Variants in KCNH1 observed in about 807,000 individuals in gnomAD.
KCNH1 encodes potassium voltage-gated channel subfamily H member 1.
A neutral mutation model predicts 69.2 loss-of-function variants in KCNH1; 27 were observed. The ratio of observed to expected loss-of-function variants is 0.39; its 90% CI spans 0.29 to 0.54. The LOEUF is 0.54. Ranked by LOEUF, KCNH1 falls within the 20% of genes least tolerant of loss-of-function variation. The pLI, the probability that KCNH1 is intolerant of heterozygous loss-of-function variation, is 0.68. For synonymous variants in KCNH1, 456 were observed against 487.7 expected, an observed-to-expected ratio of 0.93 and a Z score of 0.86; for missense variants, 798 against 1,261.6, an observed-to-expected ratio of 0.63 and a Z score of 5.57.
At chr1:211,126,795 C>T (rs1340901852) in intron 1 of KCNH1, among the ~76,000 whole-genome samples, 1 of 151,678 alleles carries the variant, frequency 6.6e-6, no homozygotes, top group Non-Finnish European at 1.5e-5. Flanking sequence ...GATGAGCAAC[C>T]CAAGACAGCA....
At chr1:211,113,695 T>G (rs1340223514) in intron 1 of KCNH1, among the ~76,000 whole-genome samples, 1 of 152,102 alleles carries the variant, frequency 6.6e-6, no homozygotes, top group African/African-American at 2.4e-5. Context: ...CTCCTGAGCC[T>G]CCCTCAGTTC....
chr1:210,705,509 G>T (rs1009408246), intron 10 of KCNH1, among the ~76,000 whole-genome samples: 2 of 152,148 alleles, frequency 1.3e-5, no homozygotes, highest in Non-Finnish European at 2.9e-5. Flanking sequence ...CAGAATTCTG[G>T]TCCCATTGAA....
chr1:210,776,096 C>A (rs1278609404), intron 9 of KCNH1, among the ~76,000 whole-genome samples: 2 of 152,116 alleles, frequency 1.3e-5, no homozygotes, highest in Non-Finnish European at 2.9e-5. Flanking sequence ...GACTCTTCAT[C>A]AGAAATCTAA....
At chr1:210,972,112 A>G (rs1308625428) in intron 6 of KCNH1, among the ~76,000 whole-genome samples, 1 of 152,130 alleles carries the variant, frequency 6.6e-6, no homozygotes, top group African/African-American at 2.4e-5. Context: ...CACAACTTTA[A>G]AACAGAGGGG....
intron 7 of KCNH1, among the ~76,000 whole-genome samples, chr1:210,899,389 A>G (rs1384880815): frequency 1.3e-5 from 2 of 151,854 alleles, no homozygotes; most frequent in African/African-American, 4.9e-5. Flanking sequence ...GATAGTCAAC[A>G]TGCAATAACT....
intron 9 of KCNH1, among the ~76,000 whole-genome samples, chr1:210,777,281 C>A (rs186459827): frequency 1.3e-5 from 2 of 152,304 alleles, no homozygotes; most frequent in East Asian, 3.9e-4. Context: ...CTAAGAACCT[C>A]CAGAATGTGA....
At position 210,851,756 on chromosome 1, in the gene KCNH1, A is replaced by G. The variant is rs532752884; in HGVS notation, c.1463-47590T>C. ...ACTGTACTAAATGCTGTAAGCTATAATAACACGATGGTAAGTATCTGGGTA... is the reference window on the plus strand; with the variant it reads ...ACTGTACTAAATGCTGTAAGCTATAGTAACACGATGGTAAGTATCTGGGTA... On this transcript the variant is annotated intron_variant, in intron 7 of 10. Coordinates refer to ENST00000271751, the MANE Select transcript of KCNH1 (RefSeq NM_172362.3). Among the ~76,000 whole-genome samples, 33 of 152,364 alleles carry G rather than the reference A, an allele frequency of 2.2e-4. 1 individual carries two copies. The South Asian group carries it at 5.4e-3, about 25-fold the overall frequency.
At chr1:211,031,042 TA>T (rs1214546752) in intron 5 of KCNH1, among the ~76,000 whole-genome samples, 4 of 152,234 alleles carry the variant, frequency 2.6e-5, no homozygotes, top group African/African-American at 9.6e-5. Context: ...ACTGCGATAT[TA>T]CTACACACCT....
At chr1:210,808,547 A>AT (rs1016256373) in intron 7 of KCNH1, among the ~76,000 whole-genome samples, 33 of 151,690 alleles carry the variant, frequency 2.2e-4, no homozygotes, top group African/African-American at 7.7e-4. Context: ...CCCTTCCTTA[A>AT]TTTTTTTTCC....
chr1:210,839,066 C>A (rs1685350407), intron 7 of KCNH1, among the ~76,000 whole-genome samples: 1 of 152,164 alleles, frequency 6.6e-6, no homozygotes, highest in African/African-American at 2.4e-5. Flanking sequence ...CAAGTATATA[C>A]CCAAAGGAAT....
At chr1:211,059,066 G>A (rs1302772941) in intron 5 of KCNH1, among the ~76,000 whole-genome samples, 2 of 152,056 alleles carry the variant, frequency 1.3e-5, no homozygotes, top group East Asian at 3.9e-4. Flanking sequence ...GGGTCATGAG[G>A]TCAGGAGTTC....
At chr1:210,904,096 G>C (rs917921471) in intron 7 of KCNH1, among the ~76,000 whole-genome samples, 3 of 152,174 alleles carry the variant, frequency 2.0e-5, no homozygotes, top group Non-Finnish European at 4.4e-5. Flanking sequence ...AGGAACGGTG[G>C]AATGTCAGCA....
At chr1:210,916,326 G>A (rs1326732085) in intron 7 of KCNH1, among the ~76,000 whole-genome samples, 1 of 152,204 alleles carries the variant, frequency 6.6e-6, no homozygotes, top group East Asian at 1.9e-4. Context: ...TGGCAGATGT[G>A]TATCACATGG....
intron 7 of KCNH1, among the ~76,000 whole-genome samples, chr1:210,878,398 AC>A (rs1379789789): frequency 6.6e-6 from 1 of 152,292 alleles, no homozygotes; most frequent in Non-Finnish European, 1.5e-5. Flanking sequence ...ATTCTGGGCC[AC>A]AAAAAACATC....
At chr1:210,906,910 A>G (rs976591590) in intron 7 of KCNH1, among the ~76,000 whole-genome samples, 1 of 152,244 alleles carries the variant, frequency 6.6e-6, no homozygotes, top group African/African-American at 2.4e-5. Context: ...GTAATAACCA[A>G]GTGGATAGAT....
At position 210,683,565 on chromosome 1, in the gene KCNH1, C is replaced by G. The variant is rs1681327563; in HGVS notation, c.2686G>C (p.Glu896Gln). 6.2e-7 allele frequency: 1 copy of G among 1,614,060 alleles called. No individual in the cohort carries two copies. The highest frequency in any genetic ancestry group is 1.1e-5 in the South Asian group (1 of 91,080). ...CTCCGATCCTGGGGACTCCTGGCCTCACCCACGTTGTCCAGGCGCAAGTCG... is the reference window on the plus strand; with the variant it reads ...CTCCGATCCTGGGGACTCCTGGCCTGACCCACGTTGTCCAGGCGCAAGTCG... ...KSDLRLDNVG[E>Q]ARSPQDRSPI... Residue 896 changes from glutamate (E) to glutamine (Q), a missense_variant, in exon 11 of 11, where the codon GAG becomes CAG. By Grantham distance (29) the Glu-to-Gln change is conservative. Coordinates refer to ENST00000271751, the MANE Select transcript of KCNH1 (RefSeq NM_172362.3). The surrounding 1 kb of genome is among the most constrained non-coding windows in gnomAD (Gnocchi z 5.7).
intron 7 of KCNH1, among the ~76,000 whole-genome samples, chr1:210,902,836 A>G (rs1328712107): frequency 2.0e-5 from 3 of 152,150 alleles, no homozygotes; most frequent in Admixed American, 6.5e-5. Context: ...AAAATAATAC[A>G]AAAACTTCCT....
intron 8 of KCNH1, among the ~76,000 whole-genome samples, chr1:210,803,335 C>T (rs1044114761): frequency 6.6e-6 from 1 of 152,144 alleles, no homozygotes. Context: ...CTCCTGACCT[C>T]AAGTGATCCA....
intron 7 of KCNH1, among the ~76,000 whole-genome samples, chr1:210,840,144 A>T (rs1269507359): frequency 6.6e-6 from 1 of 152,192 alleles, no homozygotes; most frequent in Admixed American, 6.5e-5. Context: ...CACAGCATTA[A>T]CTGCATTAGG....
Sources: gnomAD v4.1 joint callset for allele counts (sites outside exome capture counted in the v4.1 genomes callset) on GRCh38, gnomAD v4.1.1 for gene constraint, Gnocchi (gnomAD v3.1) non-coding constraint, MANE v1.5 for transcripts, NCBI Gene and HGNC (gene_info 2026-07-23, HGNC 2026-07-21) for gene names.